CHODL: variants seen among roughly 807,000 people sequenced by gnomAD.
The protein encoded by CHODL is transmembrane protein MT75.
In CHODL, 29 loss-of-function variants were observed where a neutral mutation model predicts 34.5. The ratio of observed to expected loss-of-function variants is 0.84; its 90% CI spans 0.63 to 1.15. The LOEUF (loss-of-function observed/expected upper bound fraction) is 1.15, where lower values mean the gene tolerates loss of function less well. Among genes scored for constraint, CHODL ranks in the 50% most tolerant of loss-of-function variants. The pLI is 0.00. For missense variants in CHODL, 332 were observed against 332.5 expected (o/e 1.00, Z 0.01); for synonymous variants, 125 against 116.1 (o/e 1.08, Z -0.49).
At chr21:17,948,385 TA>T (rs966391238) in intron 1 of CHODL, among the ~76,000 whole-genome samples, 4 of 150,162 alleles carry the variant, frequency 2.7e-5, no homozygotes, top group Non-Finnish European at 5.9e-5. Flanking sequence ...CTTCAAGAAA[TA>T]AAAAAAACAA....
intron 1 of CHODL, among the ~76,000 whole-genome samples, chr21:17,956,398 G>C (rs2063494344): frequency 7.3e-6 from 1 of 136,338 alleles, no homozygotes; most frequent in African/African-American, 2.5e-5. Flanking sequence ...TTCCTGCACA[G>C]CCTCCAGAAC....
intron 1 of CHODL, among the ~76,000 whole-genome samples, chr21:17,934,752 A>T (rs1568805250): frequency 6.6e-6 from 1 of 151,984 alleles, no homozygotes; most frequent in Non-Finnish European, 1.5e-5. Flanking sequence ...TAAATATCTT[A>T]TTTTTTATTA....
intron 1 of CHODL, among the ~76,000 whole-genome samples, chr21:17,951,959 T>C (rs73323210): frequency 0.021 from 3,245 of 152,074 alleles, 122 homozygotes; most frequent in African/African-American, 0.074. Context: ...AAAGGCCAGG[T>C]ACAGTGGCTT....
chr21:17,990,501 A>G (rs1215291449), intron 1 of CHODL, among the ~76,000 whole-genome samples: 2 of 152,156 alleles, frequency 1.3e-5, no homozygotes, highest in East Asian at 3.8e-4. Context: ...ATTTGGTTAC[A>G]TTGTTATACT....
At chr21:18,007,747 T>C (rs547192760) in intron 1 of CHODL, among the ~76,000 whole-genome samples, 2 of 152,240 alleles carry the variant, frequency 1.3e-5, no homozygotes, top group African/African-American at 4.8e-5. Context: ...TCCTGGAAGG[T>C]TTTTCACTAT....
At position 18,266,967 on chromosome 21, in the gene CHODL, G is replaced by A. The variant is rs565731018; in HGVS notation, c.*929G>A. 6.6e-6 allele frequency: 1 copy of A among 152,282 alleles called. No individual in the cohort carries two copies. Among genetic ancestry groups the A allele is most frequent in the African/African-American group, 2.4e-5 (1 of 41,562 alleles). 9.4% of individuals were successfully genotyped at this position (152,282 alleles called of 1,614,324 possible). On this transcript the variant is annotated 3_prime_UTR_variant, in exon 6 of 6. Coordinates refer to ENST00000299295, the MANE Select transcript of CHODL (RefSeq NM_024944.3). The stretch of plus-strand genomic sequence containing the variant: ...CCTCTCTTGCCCACTAAACAAAGAT[G>A]GTTGTTCGGGGTTTGGGATTGACAC...
intron 2 of CHODL, among the ~76,000 whole-genome samples, chr21:18,125,624 C>T (rs1049873973): frequency 6.6e-6 from 1 of 151,346 alleles, no homozygotes; most frequent in Non-Finnish European, 1.5e-5. Flanking sequence ...GAGATGGAGT[C>T]TCCCTCTGTC....
At chr21:18,215,106 C>T (rs931636274) in intron 2 of CHODL, among the ~76,000 whole-genome samples, 3 of 151,836 alleles carry the variant, frequency 2.0e-5, no homozygotes, top group African/African-American at 4.8e-5. Flanking sequence ...GATTGGCAGC[C>T]GTCTTGCCTC....
chr21:18,243,307 G>A (rs182111432), upstream of CHODL, among the ~76,000 whole-genome samples: 5 of 152,144 alleles, frequency 3.3e-5, no homozygotes, highest in African/African-American at 1.2e-4. Context: ...CATGGTTTCC[G>A]GGGCTGAGCT....
intron 1 of CHODL, among the ~76,000 whole-genome samples, chr21:18,026,001 T>A (rs284828): frequency 0.26 from 40,084 of 152,078 alleles, 6,732 homozygotes; most frequent in African/African-American, 0.47. Flanking sequence ...ACATATAAAT[T>A]TTGGGTGACA....
chr21:17,966,901 T>TA (rs2046019592), intron 1 of CHODL, among the ~76,000 whole-genome samples: 1 of 151,884 alleles, frequency 6.6e-6, no homozygotes, highest in African/African-American at 2.4e-5. Context: ...CTTTTTTTTT[T>TA]TTTGAGACGA....
chr21:18,072,566 T>C (rs2146501412), intron 2 of CHODL, among the ~76,000 whole-genome samples: 1 of 152,322 alleles, frequency 6.6e-6, no homozygotes, highest in Admixed American at 6.5e-5. Context: ...TTTGATGTTA[T>C]TGCAATGAGA....
intron 1 of CHODL, among the ~76,000 whole-genome samples, chr21:17,945,026 G>C (rs568329895): frequency 4.0e-5 from 6 of 151,220 alleles, no homozygotes; most frequent in Non-Finnish European, 7.4e-5. Context: ...CTGGCTAACA[G>C]GGTGAAACCC....
intron 2 of CHODL, among the ~76,000 whole-genome samples, chr21:18,153,271 C>T (rs1045273743): frequency 3.3e-5 from 5 of 152,154 alleles, no homozygotes; most frequent in African/African-American, 1.2e-4. Flanking sequence ...CACCTCAGAG[C>T]TCATTCAGAA....
At chr21:18,126,036 T>G (rs546018114) in intron 2 of CHODL, among the ~76,000 whole-genome samples, 2 of 152,266 alleles carry the variant, frequency 1.3e-5, no homozygotes, top group South Asian at 4.1e-4. Context: ...AATGCAACAG[T>G]CTATAGTCCC....
chr21:18,125,538 T>C (rs77779037), intron 2 of CHODL, among the ~76,000 whole-genome samples: 5,233 of 152,206 alleles, frequency 0.034, 159 homozygotes, highest in East Asian at 0.14. Flanking sequence ...ACAAGCAATA[T>C]AGAAAATTGA....
chr21:17,981,561 C>T (rs2063714242), intron 1 of CHODL, among the ~76,000 whole-genome samples: 1 of 151,970 alleles, frequency 6.6e-6, no homozygotes, highest in South Asian at 2.1e-4. Context: ...AAAGAGCCAA[C>T]AGAAATAAGA....
At chr21:18,233,427 G>A (rs1238428167) in intron 2 of CHODL, among the ~76,000 whole-genome samples, 4 of 151,914 alleles carry the variant, frequency 2.6e-5, no homozygotes, top group Admixed American at 2.6e-4. Context: ...TTTAAAACTG[G>A]GGATGGCTAT....
chr21:18,234,177 C>A (rs1404630243), intron 2 of CHODL, among the ~76,000 whole-genome samples: 1 of 152,218 alleles, frequency 6.6e-6, no homozygotes, highest in South Asian at 2.1e-4. Context: ...CGTTCGAATG[C>A]GCTACTTTTA....
Sources: allele counts gnomAD v4.1 joint callset (sites outside exome capture counted in the v4.1 genomes callset), GRCh38; gene constraint gnomAD v4.1.1; transcripts MANE v1.5; gene names NCBI Gene and HGNC (gene_info 2026-07-23, HGNC 2026-07-21).